MPHOSPH9: variants seen among roughly 807,000 people sequenced by gnomAD.
MPHOSPH9 encodes M-phase phosphoprotein 9.
Under a neutral mutation model 145.5 loss-of-function variants are expected in MPHOSPH9, and 88 were observed. The ratio of observed to expected loss-of-function variants is 0.60; its 90% CI spans 0.51 to 0.72. MPHOSPH9 has a LOEUF of 0.72. MPHOSPH9 is among the 30% of genes least tolerant of loss of function. The pLI is 0.00. For missense variants in MPHOSPH9, 1,238 were observed against 1,386.6 expected (o/e 0.89, Z 1.70); for synonymous variants, 435 against 486.2 (o/e 0.89, Z 1.39).
Position 123,170,896 on chromosome 12 carries a change from A to T in MPHOSPH9, c.2457-4107T>A, listed in dbSNP as rs954684869. On this transcript the variant is annotated intron_variant, in intron 16 of 23. Coordinates refer to ENST00000606320, the MANE Select transcript of MPHOSPH9 (RefSeq NM_022782.4). ...TTACTTTGAGAGTTCCTGTCTCTCC[A>T]TATCTTTGCCAAACGTTAAAGTGTT... is the stretch of plus-strand genomic sequence containing the variant. Among the ~76,000 whole-genome samples the T allele has an allele frequency of 2.0e-5, 3 of 152,208 alleles. No individual in the cohort carries two copies. The South Asian group carries it at 6.2e-4, about 31-fold the overall frequency.
intron 18 of MPHOSPH9, among the ~76,000 whole-genome samples, chr12:123,165,014 TCAA>T (rs1390755874): frequency 0.047 from 1,009 of 21,594 alleles, 19 homozygotes; most frequent in African/African-American, 0.18. Flanking sequence ...TCTCACTGTC[TCAA>T]AAAAAAAAAA....
intron 8 of MPHOSPH9, 40 bp from the exon 9 acceptor site, chr12:123,203,415 A>G (rs1422909152): frequency 6.6e-7 from 1 of 1,507,252 alleles, no homozygotes; most frequent in Non-Finnish European, 9.0e-7. Context: ...GTTATCAATA[A>G]TGAAACAAAT....
chr12:123,213,134 C>G (rs1261822043), intron 7 of MPHOSPH9, among the ~76,000 whole-genome samples: 2 of 151,904 alleles, frequency 1.3e-5, no homozygotes, highest in Non-Finnish European at 2.9e-5. Flanking sequence ...GCTGGGATTA[C>G]AAGCATGAGC....
chr12:123,171,456 A>ACAAACAAACAAACAAAC, intron 16 of MPHOSPH9, among the ~76,000 whole-genome samples: 1 of 149,820 alleles, frequency 6.7e-6, no homozygotes, highest in South Asian at 2.1e-4. Flanking sequence ...TTGTCTCTAA[A>ACAAACAAACAAACAAAC]ATAAAATATC....
intron 13 of MPHOSPH9, among the ~76,000 whole-genome samples, chr12:123,184,787 C>T (rs1484085627): frequency 1.3e-5 from 2 of 151,818 alleles, no homozygotes; most frequent in African/African-American, 2.4e-5. Context: ...CATGAGCCAC[C>T]GTGCCCGGCC....
At chr12:123,179,838 A>T in intron 15 of MPHOSPH9, 88 bp downstream of exon 15, 1 of 686,260 alleles carries the variant, frequency 1.5e-6, no homozygotes, top group Non-Finnish European at 2.3e-6. Flanking sequence ...AAAAATCCTC[A>T]AGAAAAACTT....
In MPHOSPH9 at chr12:123,165,357, C is replaced by T. The variant is rs369889526; in HGVS notation, c.2712G>A (p.Glu904=). 9.9e-5 allele frequency: 159 copies of T among 1,613,816 alleles called. No individual in the cohort carries two copies. Among genetic ancestry groups the T allele is most frequent in the Non-Finnish European group, 1.3e-4 (148 of 1,179,980 alleles). ...TCCCCCAATTTTTAAATATTTTTCC[C>T]TCATCAAGTTCTTTTAAAGCTCTCA... ...PIMRALKELD[E]GKIFKNWGTQ... is the part of the protein sequence containing the mutation. Residue 904 remains glutamate (E), a synonymous_variant, in exon 18 of 24, where the codon GAG becomes GAA. Transcript: ENST00000606320.
chr12:123,202,286 T>C lies in MPHOSPH9; in HGVS notation c.1815A>G (p.Arg605=). ...IRQNLKEKHA[R]HIADLRAYYE... Reference sequence around the variant, plus strand: ...AATAAGCTCGAAGATCTGCTATGTGTCGAGCATGCTTTTCCTTCAGATTCT... The same window carrying C: ...AATAAGCTCGAAGATCTGCTATGTGCCGAGCATGCTTTTCCTTCAGATTCT... The change falls in exon 11 of 24, where the codon CGA becomes CGG. Residue 605 remains arginine, a synonymous_variant. Coordinates refer to ENST00000606320, the MANE Select transcript of MPHOSPH9 (RefSeq NM_022782.4). 6.2e-7 allele frequency: 1 copy of C among 1,609,240 alleles called. No homozygotes were observed. Among genetic ancestry groups the C allele is most frequent in the Non-Finnish European group, 8.5e-7 (1 of 1,178,900 alleles).
At chr12:123,219,920 C>T (rs1256372939) in intron 5 of MPHOSPH9, among the ~76,000 whole-genome samples, 3 of 152,120 alleles carry the variant, frequency 2.0e-5, no homozygotes, top group Admixed American at 1.3e-4. Context: ...CAGTGGTTCA[C>T]GCCTGTAATC....
intron 3 of MPHOSPH9, among the ~76,000 whole-genome samples, chr12:123,223,556 T>C (rs761792151): frequency 2.0e-5 from 3 of 152,132 alleles, no homozygotes; most frequent in Non-Finnish European, 4.4e-5. Context: ...TTCGTGAGCA[T>C]GCCAAAATTG....
rs373674136 is a variant in MPHOSPH9 at position 123,166,664 on chromosome 12, C to T, written c.2582G>A (p.Cys861Tyr). ...SNVDNQLEET[C>Y]SLGHRSPLEK... ...AGCAAAGTTATCTCACCCTAGGCTACAGGTTTCCTCCAGCTGGTTATCCAC... is the reference window on the plus strand; with the variant it reads ...AGCAAAGTTATCTCACCCTAGGCTATAGGTTTCCTCCAGCTGGTTATCCAC... Residue 861 changes from cysteine to tyrosine, a missense_variant, in exon 17 of 24, where the codon TGT becomes TAT. Around this residue, in one of 3 missense-constraint regions of MPHOSPH9, gnomAD observed 393 missense variants for 462.5 expected, o/e 0.85. Coordinates refer to ENST00000606320, the MANE Select transcript of MPHOSPH9 (RefSeq NM_022782.4). 76 of 1,612,914 alleles carry T rather than the reference C, an allele frequency of 4.7e-5. 2 individuals are homozygous for T. In the South Asian group the frequency reaches 7.4e-4, roughly 16 times the overall value.
intron 13 of MPHOSPH9, 88 bp from the exon 14 acceptor site, chr12:123,181,298 G>A: frequency 8.9e-7 from 1 of 1,126,756 alleles, no homozygotes; most frequent in Non-Finnish European, 1.3e-6. Context: ...ACTGCCTATA[G>A]CCTTCAAAAA....
chr12:123,152,633 A>C, downstream of MPHOSPH9: 1 of 455,426 alleles, frequency 2.2e-6, no homozygotes, highest in Non-Finnish European at 4.4e-6. Flanking sequence ...GGTCTATGGA[A>C]ATAAAGTACA....
intron 13 of MPHOSPH9, among the ~76,000 whole-genome samples, chr12:123,187,251 ACT>A (rs2045484605): frequency 6.6e-6 from 1 of 152,138 alleles, no homozygotes; most frequent in African/African-American, 2.4e-5. Flanking sequence ...TAAAAGCGAA[ACT>A]CTGTCTCAAA....
intron 11 of MPHOSPH9, among the ~76,000 whole-genome samples, chr12:123,199,227 T>A (rs2046108176): frequency 6.6e-6 from 1 of 152,074 alleles, no homozygotes; most frequent in Non-Finnish European, 1.5e-5. Context: ...ACTCATGCGA[T>A]CCAATTTACT....
chr12:123,213,795 G>C (rs2046844654), intron 7 of MPHOSPH9, among the ~76,000 whole-genome samples: 1 of 152,144 alleles, frequency 6.6e-6, no homozygotes, highest in African/African-American at 2.4e-5. Context: ...GTGAACAACA[G>C]GGTTTGGAGA....
downstream of MPHOSPH9, chr12:123,153,523 A>T (rs1716185): frequency 0.64 from 96,682 of 152,058 alleles, 35,282 homozygotes; most frequent in East Asian, 0.97. Flanking sequence ...TCCCAACACT[A>T]TGGGAGGCCA....
At chr12:123,241,147 T>TTG (rs1555235904) in intron 1 of MPHOSPH9, among the ~76,000 whole-genome samples, 5,984 of 150,000 alleles carry the variant, frequency 0.04, 173 homozygotes, top group South Asian at 0.099. Flanking sequence ...GGTTGTTTTT[T>TTG]TTTTGTTTTT....
intron 12 of MPHOSPH9, among the ~76,000 whole-genome samples, chr12:123,197,534 G>A (rs1716180): frequency 0.6 from 90,305 of 151,748 alleles, 31,182 homozygotes; most frequent in Non-Finnish European, 0.75. Flanking sequence ...CTGTAATCCC[G>A]GCACTCTGGG....
Sources: gnomAD v4.1 joint callset for allele counts (sites outside exome capture counted in the v4.1 genomes callset) on GRCh38, gnomAD v4.1.1 for gene constraint, gnomAD v4.1.1 regional missense constraint, MANE v1.5 for transcripts, NCBI Gene and HGNC (gene_info 2026-07-23, HGNC 2026-07-21) for gene names.